The following ADGRF5 variants were observed in gnomAD, a reference collection of about 807,000 sequenced individuals.
The protein encoded by ADGRF5 is G-protein coupled receptor 116.
In ADGRF5, 75 loss-of-function variants were observed where a neutral mutation model predicts 132.3. The observed-to-expected ratio is 0.57, with a 90% confidence interval of 0.47 to 0.69. ADGRF5 has a LOEUF of 0.69. Ranked by LOEUF, ADGRF5 falls within the 30% of genes least tolerant of loss-of-function variation. ADGRF5 has a pLI of 0.00. For synonymous variants in ADGRF5, 629 were observed against 597.6 expected (o/e 1.05, Z -0.77); for missense variants, 1,516 against 1,630.6 (o/e 0.93, Z 1.21).
At position 46,858,161 on chromosome 6, in the gene ADGRF5, G is replaced by A; in HGVS notation, c.3742C>T (p.His1248Tyr). 1 of 1,613,492 alleles carries A rather than the reference G, an allele frequency of 6.2e-7. No individual in the cohort carries two copies. ...TVFPGTNLVFHIIFAILNVFQ... is the reference protein window; with the variant it reads ...TVFPGTNLVFYIIFAILNVFQ... ...ACATTGAGGATGGCAAATATGATAT[G>A]GAACACAAGGTTGGTCCCTGGGAAC... The change falls in exon 17 of 21, where the codon CAT becomes TAT. Residue 1248 changes from histidine to tyrosine, a missense_variant. Coordinates refer to ENST00000283296, the MANE Select transcript of ADGRF5 (RefSeq NM_001098518.2).
intron 10 of ADGRF5, among the ~76,000 whole-genome samples, chr6:46,875,792 CA>C (rs1181487033): frequency 1.3e-5 from 2 of 152,020 alleles, no homozygotes; most frequent in Non-Finnish European, 2.9e-5. Context: ...AACAAACAAA[CA>C]AACAAAAAAC....
chr6:46,919,302 AT>A (rs1304783874), intron 1 of ADGRF5, among the ~76,000 whole-genome samples: 1 of 152,214 alleles, frequency 6.6e-6, no homozygotes, highest in Non-Finnish European at 1.5e-5. Context: ...AAAAAAATTC[AT>A]TGTGCCATTG....
chr6:46,872,166 G>A (rs1162786239), intron 10 of ADGRF5, among the ~76,000 whole-genome samples, 153 bp from the exon 11 acceptor site: 1 of 152,122 alleles, frequency 6.6e-6, no homozygotes, highest in East Asian at 1.9e-4. Flanking sequence ...GATTAGGTCT[G>A]CAGACTCTGT....
intron 1 of ADGRF5, among the ~76,000 whole-genome samples, chr6:46,946,526 A>G (rs1032155050): frequency 6.6e-5 from 10 of 152,154 alleles, no homozygotes; most frequent in Admixed American, 2.0e-4. Context: ...TGGGTTAGGA[A>G]GAGCTTCTGC....
At position 46,869,018 on chromosome 6, in the gene ADGRF5, C is replaced by G. The variant is rs750649255; in HGVS notation, c.1486G>C (p.Val496Leu). ...CAATAAACCTCATCATAGTTACTCA[C>G]ATCACTGATGCATTTTATAGAAAAG... ...QNFSIKCISD[V>L]SNYDEVYWNT... is the part of the protein sequence containing the mutation. The change falls in exon 12 of 21, where the codon GTG becomes CTG. Residue 496 changes from valine to leucine, a missense_variant. Val to Leu is a conservative substitution (Grantham distance 32, BLOSUM62 1). Coordinates refer to ENST00000283296, the MANE Select transcript of ADGRF5 (RefSeq NM_001098518.2). 1 of 1,613,532 alleles carries G rather than the reference C, an allele frequency of 6.2e-7. No individual in the cohort carries two copies. The highest frequency in any genetic ancestry group is 1.3e-5 in the African/African-American group (1 of 75,020).
At chr6:46,946,368 A>G (rs1017768761) in intron 1 of ADGRF5, among the ~76,000 whole-genome samples, 8 of 152,226 alleles carry the variant, frequency 5.3e-5, no homozygotes, top group Non-Finnish European at 7.3e-5. Context: ...GAATCTTGGC[A>G]AAAGCATTTG....
chr6:46,897,766 G>A (rs1345913856), intron 3 of ADGRF5, among the ~76,000 whole-genome samples: 2 of 152,090 alleles, frequency 1.3e-5, no homozygotes, highest in Admixed American at 6.6e-5. Context: ...GACTGGTCTC[G>A]AACTCCTGAC....
intron 1 of ADGRF5, among the ~76,000 whole-genome samples, chr6:46,915,592 A>G (rs1387083813): frequency 6.6e-6 from 1 of 152,060 alleles, no homozygotes; most frequent in African/African-American, 2.4e-5. Flanking sequence ...CATCCATTCC[A>G]TCTCTCTGAG....
At chr6:46,884,005 G>A in intron 5 of ADGRF5, 90 bp downstream of exon 5, 1 of 1,052,692 alleles carries the variant, frequency 9.5e-7, no homozygotes, top group Non-Finnish European at 1.4e-6. Flanking sequence ...GACTATCAAA[G>A]TGCTGGGATT....
intron 1 of ADGRF5, among the ~76,000 whole-genome samples, chr6:46,949,416 A>G (rs1237005538): frequency 6.6e-6 from 1 of 152,206 alleles, no homozygotes; most frequent in Non-Finnish European, 1.5e-5. Flanking sequence ...CCTAAGTCTT[A>G]CTTCTCTAAA....
intron 2 of ADGRF5, among the ~76,000 whole-genome samples, chr6:46,904,916 A>G (rs1234123): frequency 0.36 from 55,038 of 151,652 alleles, 12,229 homozygotes; most frequent in Non-Finnish European, 0.48. Flanking sequence ...TACCAAAGAA[A>G]AGTGGGGTCC....
chr6:46,856,631 A>C, intron 19 of ADGRF5, 87 bp downstream of exon 19: 2 of 898,794 alleles, frequency 2.2e-6, no homozygotes, highest in Non-Finnish European at 3.5e-6. Context: ...AAAATCCCAA[A>C]GAAAAAATTT....
Position 46,906,795 on chromosome 6 carries a change from G to T in ADGRF5, c.-24-9C>A, listed in dbSNP as rs1004143174. 4.6e-6 allele frequency: 5 copies of T among 1,093,402 alleles called. No individual in the cohort carries two copies. In the African/African-American group the frequency reaches 4.6e-5, roughly 10 times the overall value. The allele number at this position is 1,093,402 out of a possible 1,614,324, so 67.7% of individuals were successfully genotyped here. A position where few individuals can be genotyped will look rare whatever the true frequency, so the allele number is the denominator to read the frequency against. On this transcript the variant is annotated splice_polypyrimidine_tract_variant and intron_variant, in intron 1 of 20. Coordinates refer to ENST00000283296, the MANE Select transcript of ADGRF5 (RefSeq NM_001098518.2). ...AGTTTGAGTTGGTTGGCCTGAAATGGAAATATGATGGTTTAGATATACAGC... is the reference window on the plus strand; with the variant it reads ...AGTTTGAGTTGGTTGGCCTGAAATGTAAATATGATGGTTTAGATATACAGC...
chr6:46,869,294 C>T, intron 11 of ADGRF5: 1 of 1,419,752 alleles, frequency 7.0e-7, no homozygotes, highest in Non-Finnish European at 9.2e-7. Flanking sequence ...CCTGGTGGTG[C>T]TCTGCACTGT....
intron 7 of ADGRF5, among the ~76,000 whole-genome samples, 151 bp downstream of exon 7, chr6:46,881,896 CAT>C (rs1772513828): frequency 1.3e-5 from 2 of 152,146 alleles, no homozygotes; most frequent in African/African-American, 4.8e-5. Context: ...TAAACAGGTA[CAT>C]CTGTAAGGGG....
chr6:46,938,492 A>G (rs983615095), intron 1 of ADGRF5, among the ~76,000 whole-genome samples: 20 of 152,212 alleles, frequency 1.3e-4, no homozygotes, highest in Non-Finnish European at 2.5e-4. Context: ...GGCCACTGGA[A>G]GTGACTGGTC....
intron 2 of ADGRF5, among the ~76,000 whole-genome samples, chr6:46,904,807 G>A (rs1263543462): frequency 2.6e-5 from 4 of 152,174 alleles, no homozygotes; most frequent in African/African-American, 9.7e-5. Flanking sequence ...TGGCAGCTTA[G>A]GGCAGTATAA....
chr6:46,882,317 G>A (rs1772565168), intron 6 of ADGRF5, among the ~76,000 whole-genome samples: 2 of 152,084 alleles, frequency 1.3e-5, no homozygotes, highest in South Asian at 2.1e-4. Flanking sequence ...TAGATGAAAT[G>A]TGCAAAAAAT....
intron 11 of ADGRF5, chr6:46,870,675 A>G (rs1472024691): frequency 4.5e-6 from 1 of 223,962 alleles, no homozygotes; most frequent in Non-Finnish European, 9.2e-6. Flanking sequence ...GGAACCATGA[A>G]TTTGGTCCTC....
Sources: gnomAD v4.1 joint callset for allele counts (sites outside exome capture counted in the v4.1 genomes callset) on GRCh38, gnomAD v4.1.1 for gene constraint, MANE v1.5 for transcripts, NCBI Gene and HGNC (gene_info 2026-07-23, HGNC 2026-07-21) for gene names.